The following ZC3H8 variants were observed in gnomAD, a reference collection of about 807,000 sequenced individuals.
ZC3H8 encodes the protein zinc finger CCCH domain-containing protein 8.
A neutral mutation model predicts 42.5 loss-of-function variants in ZC3H8; 27 were observed. The observed-to-expected ratio is 0.64, with a 90% CI of 0.47 to 0.88. ZC3H8 has a LOEUF of 0.88. Ranked by LOEUF, ZC3H8 falls within the 40% of genes least tolerant of loss-of-function variation. ZC3H8 has a pLI of 0.00. For synonymous variants in ZC3H8, 101 were observed against 110.1 expected (o/e 0.92, Z 0.52); for missense variants, 277 against 336.1 (o/e 0.82, Z 1.37).
intron 2 of ZC3H8, among the ~76,000 whole-genome samples, chr2:112,239,374 A>G (rs1685484926): frequency 1.3e-5 from 2 of 152,208 alleles, no homozygotes; most frequent in South Asian, 4.1e-4. Flanking sequence ...CCAAGTATCA[A>G]AGGGCTCCTA....
intron 8 of ZC3H8, among the ~76,000 whole-genome samples, chr2:112,222,523 G>C (rs1450812888): frequency 1.3e-5 from 2 of 152,164 alleles, no homozygotes; most frequent in African/African-American, 4.8e-5. Flanking sequence ...AATGAAATAA[G>C]CCTGTTGAGA....
intron 4 of ZC3H8, among the ~76,000 whole-genome samples, chr2:112,235,186 G>T (rs938948757): frequency 4.0e-4 from 61 of 152,182 alleles, no homozygotes; most frequent in Non-Finnish European, 6.6e-4. Flanking sequence ...AATACAGTAT[G>T]TACAAACAAG....
In ZC3H8 at chr2:112,238,517, A is replaced by G; in HGVS notation, c.168T>C (p.Ser56=). ...GCAGCGAACTTTTTGGTGATATTGCAGAGTGTCTAAACTAAGTAAAAATTA... is the reference window on the plus strand; with the variant it reads ...GCAGCGAACTTTTTGGTGATATTGCGGAGTGTCTAAACTAAGTAAAAATTA... ...CEQIPKKFRH[S]AISPKSSLHR... The change falls in exon 3 of 9, where the codon TCT becomes TCC. Residue 56 remains serine (S), a synonymous_variant. Transcript: ENST00000409573. The G allele has an allele frequency of 6.2e-7, 1 of 1,609,588 alleles. No homozygotes were observed. The highest frequency in any genetic ancestry group is 8.5e-7 in the Non-Finnish European group (1 of 1,179,420).
intron 8 of ZC3H8, among the ~76,000 whole-genome samples, chr2:112,224,949 T>C (rs575365514): frequency 6.6e-6 from 1 of 152,346 alleles, no homozygotes; most frequent in East Asian, 1.9e-4. Flanking sequence ...ATACTCTCCA[T>C]TTATTTAGAT....
In ZC3H8 at chr2:112,242,688, CA is replaced by C. The variant is rs1321894736; in HGVS notation, c.157-4161del. 2.0e-5 allele frequency among the ~76,000 whole-genome samples: 3 copies of C among 152,246 alleles called. No homozygotes were observed. In the South Asian group the frequency reaches 6.2e-4, roughly 32 times the overall value. ...ATACTACAGTAGTGCTAAAAGAAAA[CA>C]ATGTATGTTGACATTACAGTATTAA... On this transcript the variant is annotated intron_variant, in intron 2 of 8. Transcript: ENST00000409573.
At chr2:112,216,897 G>A (rs1009333662) in intron 8 of ZC3H8, among the ~76,000 whole-genome samples, 2 of 152,034 alleles carry the variant, frequency 1.3e-5, no homozygotes, top group African/African-American at 4.8e-5. Flanking sequence ...ACACATTATA[G>A]AGAAAGAAAC....
intron 8 of ZC3H8, among the ~76,000 whole-genome samples, chr2:112,225,405 G>T (rs1438011519): frequency 3.3e-5 from 5 of 152,196 alleles, no homozygotes; most frequent in African/African-American, 9.6e-5. Flanking sequence ...TTGAGCCCAG[G>T]AGTTCAAGGC....
chr2:112,234,231 A>G lies in ZC3H8; in HGVS notation c.510T>C (p.Gly170=). The G allele has an allele frequency of 6.3e-7, 1 of 1,593,162 alleles. No homozygotes were observed. The highest frequency in any genetic ancestry group is 1.2e-5 in the South Asian group (1 of 86,010). ...AATGCTGCTGCTTCTCTTTAGGTTT[A>G]CCATCCTTTAAAAACAAAAACAAAA... is the stretch of plus-strand genomic sequence containing the variant. ...LRNSGSQEED[G]KPKEKQQHLS... Residue 170 remains glycine, a synonymous_variant, in exon 5 of 9, where the codon GGT becomes GGC. Coordinates refer to ENST00000409573, the MANE Select transcript of ZC3H8 (RefSeq NM_032494.3).
rs370260936 is a variant in ZC3H8 at position 112,254,934 on chromosome 2, G to A, written c.48C>T (p.Gly16=). The part of the protein sequence containing the change: ...LFSKPPNPAL[G]KTATDSDERI... ...TTTCGTCAGAGTCCGTGGCCGTTTTGCCGAGGGCCGGGTTGGGGGGTTTTG... is the reference window on the plus strand; with the variant it reads ...TTTCGTCAGAGTCCGTGGCCGTTTTACCGAGGGCCGGGTTGGGGGGTTTTG... The change falls in exon 1 of 9, where the codon GGC becomes GGT. Residue 16 remains glycine, a synonymous_variant. Transcript: ENST00000409573. 1.4e-5 allele frequency: 22 copies of A among 1,613,374 alleles called. No homozygotes were observed. The African/African-American group carries it at 2.5e-4, about 19-fold the overall frequency.
At chr2:112,232,678 T>G (rs1685149396) in intron 6 of ZC3H8, among the ~76,000 whole-genome samples, 1 of 152,200 alleles carries the variant, frequency 6.6e-6, no homozygotes, top group African/African-American at 2.4e-5. Context: ...ATAACTTCAA[T>G]ATTTTCTAGG....
chr2:112,223,745 A>AAAT (rs1483060161), intron 8 of ZC3H8, among the ~76,000 whole-genome samples: 2 of 152,204 alleles, frequency 1.3e-5, no homozygotes, highest in Non-Finnish European at 2.9e-5. Context: ...AATTAGTATA[A>AAAT]AATAGAATTA....
intron 8 of ZC3H8, among the ~76,000 whole-genome samples, chr2:112,220,132 G>A (rs954727137): frequency 2.6e-5 from 4 of 152,224 alleles, no homozygotes; most frequent in African/African-American, 9.6e-5. Context: ...TAACTGGAGT[G>A]TGTAGCCTAT....
intron 1 of ZC3H8, chr2:112,253,861 G>GT (rs1444860764): frequency 6.6e-6 from 1 of 152,186 alleles, no homozygotes. Context: ...AGTAATTAGT[G>GT]TATCTGTCTC....
intron 3 of ZC3H8, among the ~76,000 whole-genome samples, chr2:112,237,601 G>A (rs1193461994): frequency 1.3e-5 from 2 of 149,840 alleles, no homozygotes; most frequent in African/African-American, 4.9e-5. Flanking sequence ...TTTTGAGACA[G>A]AGTCTCGCTC....
chr2:112,243,666 T>A (rs1224611341), intron 2 of ZC3H8, among the ~76,000 whole-genome samples: 1 of 152,190 alleles, frequency 6.6e-6, no homozygotes, highest in Non-Finnish European at 1.5e-5. Context: ...GGCTGTGTTG[T>A]GGAAACTTGT....
intron 1 of ZC3H8, among the ~76,000 whole-genome samples, chr2:112,251,078 C>T (rs1430300267): frequency 6.6e-6 from 1 of 152,140 alleles, no homozygotes; most frequent in Non-Finnish European, 1.5e-5. Context: ...ATGGTTGATA[C>T]TAGAAATATA....
At chr2:112,222,222 T>C (rs983584943) in intron 8 of ZC3H8, among the ~76,000 whole-genome samples, 2 of 152,170 alleles carry the variant, frequency 1.3e-5, no homozygotes, top group Non-Finnish European at 2.9e-5. Flanking sequence ...GGAACCTCAG[T>C]TGACAGATAG....
chr2:112,236,709 A>G lies in ZC3H8; in HGVS notation c.371-14T>C. ...TTTGTTTAGCAGCTAAAAACAAAAAATTAATTTAAAAAATGACATAAAGTT... is the reference window on the plus strand; with the variant it reads ...TTTGTTTAGCAGCTAAAAACAAAAAGTTAATTTAAAAAATGACATAAAGTT... On this transcript the variant is annotated splice_polypyrimidine_tract_variant and intron_variant, in intron 3 of 8. Transcript: ENST00000409573. 1 of 1,587,030 alleles carries G rather than the reference A, an allele frequency of 6.3e-7. No homozygotes were observed. The highest frequency in any genetic ancestry group is 8.6e-7 in the Non-Finnish European group (1 of 1,166,198).
intron 5 of ZC3H8, 31 bp downstream of exon 5, chr2:112,234,089 T>G (rs1289697781): frequency 1.8e-5 from 23 of 1,254,766 alleles, no homozygotes; most frequent in Non-Finnish European, 2.2e-5. Context: ...GTTTTACATT[T>G]TAGTAGATTT....
Sources: allele counts gnomAD v4.1 joint callset (sites outside exome capture counted in the v4.1 genomes callset), GRCh38; gene constraint gnomAD v4.1.1; transcripts MANE v1.5; gene names NCBI Gene and HGNC (gene_info 2026-07-23, HGNC 2026-07-21).